Variants in MATN2 observed in about 807,000 individuals in gnomAD.
MATN2 encodes matrilin 2.
A neutral mutation model predicts 103.2 loss-of-function variants in MATN2; 69 were observed. That is an observed-to-expected ratio of 0.67 (90% CI 0.55 to 0.82). The LOEUF is 0.82. Among genes scored for constraint, MATN2 ranks in the 40% least tolerant of loss-of-function variants. The pLI is 0.00. For synonymous variants in MATN2, 429 were observed against 450.2 expected (o/e 0.95, Z 0.60); for missense variants, 1,023 against 1,211.5 (o/e 0.84, Z 2.31).
intron 7 of MATN2, among the ~76,000 whole-genome samples, chr8:98,000,596 C>CGAAAAAAAAAAAAAAAA (rs1812745818): frequency 2.0e-5 from 1 of 49,634 alleles, no homozygotes; most frequent in Admixed American, 1.9e-4. Flanking sequence ...GACTCCGTCT[C>CGAAAAAAAAAAAAAAAA]AAAAAAAAAA....
intron 2 of MATN2, among the ~76,000 whole-genome samples, chr8:97,910,641 G>GA (rs947776670): frequency 3.3e-5 from 5 of 152,226 alleles, no homozygotes; most frequent in African/African-American, 1.2e-4. Context: ...AAGGCATGCA[G>GA]GTTGTACTCT....
intron 2 of MATN2, among the ~76,000 whole-genome samples, chr8:97,889,426 T>C (rs938270022): frequency 6.9e-6 from 1 of 145,670 alleles, no homozygotes; most frequent in African/African-American, 2.5e-5. Flanking sequence ...AATTCCAAGA[T>C]GATAAACAAC....
At chr8:97,960,372 A>G (rs1374468061) in intron 4 of MATN2, among the ~76,000 whole-genome samples, 2 of 151,226 alleles carry the variant, frequency 1.3e-5, no homozygotes. Context: ...GTTTCATGGT[A>G]TCCAAGCTGT....
intron 13 of MATN2, among the ~76,000 whole-genome samples, chr8:98,022,097 G>A (rs1182168684): frequency 1.3e-5 from 2 of 152,150 alleles, no homozygotes; most frequent in Middle Eastern, 3.2e-3. Flanking sequence ...CTGGAAACAA[G>A]CTAAATGATC....
At chr8:97,999,030 C>T (rs1812695839) in intron 7 of MATN2, among the ~76,000 whole-genome samples, 1 of 152,160 alleles carries the variant, frequency 6.6e-6, no homozygotes, top group Admixed American at 6.5e-5. Flanking sequence ...CTGGCAGCCA[C>T]CAATCTACTT....
At chr8:98,032,399 G>T in intron 16 of MATN2, 82 bp downstream of exon 16, 1 of 1,046,390 alleles carries the variant, frequency 9.6e-7, no homozygotes, top group Non-Finnish European at 1.4e-6. Context: ...GTAAAGAAGT[G>T]AATGTAAGTA....
intron 6 of MATN2, among the ~76,000 whole-genome samples, chr8:97,981,265 A>G (rs4735519): frequency 3.3e-5 from 5 of 151,512 alleles, no homozygotes; most frequent in African/African-American, 7.3e-5. Context: ...TAGAAATAGG[A>G]TCTTACTCTG....
intron 7 of MATN2, among the ~76,000 whole-genome samples, chr8:97,996,257 C>T (rs1812584229): frequency 6.6e-6 from 1 of 152,212 alleles, no homozygotes. Context: ...CCCTTAATTT[C>T]TGCTACTCCC....
intron 6 of MATN2, among the ~76,000 whole-genome samples, chr8:97,990,303 A>G (rs910762428): frequency 1.3e-5 from 2 of 152,182 alleles, no homozygotes; most frequent in Non-Finnish European, 2.9e-5. Flanking sequence ...ATTCAACAAC[A>G]TTAGTCATTA....
intron 2 of MATN2, among the ~76,000 whole-genome samples, chr8:97,927,645 G>A (rs1326902332): frequency 6.6e-6 from 1 of 152,178 alleles, no homozygotes; most frequent in Non-Finnish European, 1.5e-5. Context: ...TTTCAACTCA[G>A]AATTACAGCT....
Position 97,988,576 on chromosome 8 carries a change from C to T in MATN2, c.1082-5904C>T, listed in dbSNP as rs559392801. On this transcript the variant is annotated intron_variant, in intron 6 of 18. Coordinates refer to ENST00000254898, the MANE Select transcript of MATN2 (RefSeq NM_002380.5). ...AGGAGGTTGAGGCTTCAGTAAGCCA[C>T]GATCACACCACTGCACTCCAGCCTG... Among the ~76,000 whole-genome samples the T allele has an allele frequency of 1.1e-4, 16 of 151,870 alleles. No individual in the cohort carries two copies. The South Asian group carries it at 1.7e-3, about 16-fold the overall frequency.
chr8:97,957,032 C>T (rs1811166688), intron 4 of MATN2, among the ~76,000 whole-genome samples: 1 of 152,210 alleles, frequency 6.6e-6, no homozygotes, highest in African/African-American at 2.4e-5. Context: ...GGCAGATAGC[C>T]GTGATCAAGT....
At chr8:97,955,824 A>G (rs1811127018) in intron 4 of MATN2, among the ~76,000 whole-genome samples, 1 of 152,206 alleles carries the variant, frequency 6.6e-6, no homozygotes, top group Non-Finnish European at 1.5e-5. Flanking sequence ...GTACTTGTTG[A>G]GCAAGGACAA....
chr8:98,006,141 G>T (rs185349298), intron 8 of MATN2, among the ~76,000 whole-genome samples: 26 of 152,352 alleles, frequency 1.7e-4, no homozygotes, highest in African/African-American at 6.0e-4. Flanking sequence ...GGCACTTGCT[G>T]CCCGGAGGAC....
chr8:97,968,362 C>T (rs1461777942), intron 5 of MATN2, among the ~76,000 whole-genome samples: 1 of 152,226 alleles, frequency 6.6e-6, no homozygotes, highest in Non-Finnish European at 1.5e-5. Flanking sequence ...TGCTCCACAG[C>T]CTGCTTGTAT....
intron 4 of MATN2, among the ~76,000 whole-genome samples, chr8:97,957,833 A>ACAAACAC (rs1354541205): frequency 6.6e-6 from 1 of 152,260 alleles, no homozygotes; most frequent in East Asian, 1.9e-4. Context: ...GGGAGCTTTG[A>ACAAACAC]CAAACACCAC....
intron 4 of MATN2, among the ~76,000 whole-genome samples, chr8:97,946,213 T>C (rs1810748072): frequency 6.6e-6 from 1 of 152,170 alleles, no homozygotes; most frequent in Non-Finnish European, 1.5e-5. Context: ...TGGGTGGATA[T>C]TAGTTGTCTA....
rs376749264 is a variant in MATN2 at position 98,001,610 on chromosome 8, G to A, written c.1205-2051G>A. ...CTCCCAAGTAGCTGGGATTGCAGAC[G>A]CATGCCACCATGCCCAGCTAATTTT... On this transcript the variant is annotated intron_variant, in intron 7 of 18. Coordinates refer to ENST00000254898, the MANE Select transcript of MATN2 (RefSeq NM_002380.5). Among the ~76,000 whole-genome samples the A allele has an allele frequency of 5.9e-5, 9 of 152,102 alleles. No homozygotes were observed. In the East Asian group the frequency reaches 7.7e-4, roughly 13 times the overall value.
rs1213174816 is a variant in MATN2, at chr8:98,032,369, T to C, written c.2581+52T>C. 2.3e-5 allele frequency: 31 copies of C among 1,329,684 alleles called. 2 individuals are homozygous for C. In the South Asian group the frequency reaches 2.7e-4, roughly 12 times the overall value. 82.4% of individuals were successfully genotyped at this position (1,329,684 alleles called of 1,614,324 possible). On this transcript the variant is annotated intron_variant, in intron 16 of 18. Transcript: ENST00000254898. Reference sequence around the variant, plus strand: ...GAAATTTTGGTGGAGGGAACCATGGTTTCCCTCCAGATAAAAGCTGTAAAG... The same window carrying C: ...GAAATTTTGGTGGAGGGAACCATGGCTTCCCTCCAGATAAAAGCTGTAAAG...
Sources: gnomAD v4.1 joint callset for allele counts (sites outside exome capture counted in the v4.1 genomes callset) on GRCh38, gnomAD v4.1.1 for gene constraint, MANE v1.5 for transcripts, NCBI Gene and HGNC (gene_info 2026-07-23, HGNC 2026-07-21) for gene names.